KANSL1: variants seen among roughly 807,000 people sequenced by gnomAD.
The protein encoded by KANSL1 is KAT8 regulatory NSL complex subunit 1, also known as MLL1/MLL complex subunit KANSL1.
In KANSL1, 22 loss-of-function variants were observed where a neutral mutation model predicts 103.6. The observed-to-expected ratio is 0.21, with a 90% confidence interval of 0.15 to 0.30. The LOEUF is 0.30. Ranked by LOEUF, KANSL1 falls within the 10% of genes least tolerant of loss-of-function variation. The pLI, the probability that KANSL1 is intolerant of heterozygous loss-of-function variation, is 1.00. For missense variants in KANSL1, 1,337 were observed against 1,399.8 expected (o/e 0.96, Z 0.72); for synonymous variants, 600 against 527.6 (o/e 1.14, Z -1.88).
At chr17:46,199,551 A>C (rs969367802) in intron 1 of KANSL1, among the ~76,000 whole-genome samples, 5 of 152,248 alleles carry the variant, frequency 3.3e-5, no homozygotes, top group Non-Finnish European at 5.9e-5. Flanking sequence ...CATAAATGGC[A>C]AAGTATTACA....
intron 1 of KANSL1, among the ~76,000 whole-genome samples, chr17:46,219,222 T>C (rs899506013): frequency 2.7e-4 from 39 of 146,346 alleles, no homozygotes; most frequent in African/African-American, 9.3e-4. Flanking sequence ...CAAGATCACC[T>C]GGACAACAAA....
chr17:46,168,371 C>T (rs745433865), intron 2 of KANSL1, among the ~76,000 whole-genome samples: 52 of 149,462 alleles, frequency 3.5e-4, no homozygotes, highest in Non-Finnish European at 2.2e-4. Context: ...TTTTTTGAGA[C>T]GGAGTTTCGC....
chr17:46,035,568 T>C (rs1489327049), intron 10 of KANSL1: 2 of 152,176 alleles, frequency 1.3e-5, no homozygotes, highest in Non-Finnish European at 2.9e-5. Flanking sequence ...TTAACCAAAA[T>C]GGTTAAACAG....
At chr17:46,218,520 C>T (rs566429045) in intron 1 of KANSL1, among the ~76,000 whole-genome samples, 1 of 152,128 alleles carries the variant, frequency 6.6e-6, no homozygotes, top group Non-Finnish European at 1.5e-5. Context: ...TGGTGGCTCA[C>T]GCCTGTAATC....
At chr17:46,175,310 CTGTGTGTGTG>C (rs71138529) in intron 1 of KANSL1, among the ~76,000 whole-genome samples, 5,638 of 137,508 alleles carry the variant, frequency 0.041, 95 homozygotes, top group African/African-American at 0.068. Flanking sequence ...TGTCTTATTG[CTGTGTGTGTG>C]TGTGTGTGTG....
chr17:46,143,451 G>A (rs1248160942), intron 2 of KANSL1, among the ~76,000 whole-genome samples: 5 of 152,004 alleles, frequency 3.3e-5, no homozygotes, highest in Non-Finnish European at 7.3e-5. Context: ...CTGAGATCAC[G>A]CCATTGTGCT....
rs1367416894 is a variant in KANSL1 at position 46,039,874 on chromosome 17, T to C, written c.2031A>G (p.Thr677=). The C allele has an allele frequency of 6.2e-7, 1 of 1,614,222 alleles. No homozygotes were observed. Among genetic ancestry groups the C allele is most frequent in the Non-Finnish European group, 8.5e-7 (1 of 1,180,034 alleles). The change falls in exon 8 of 15, where the codon ACA becomes ACG. Residue 677 remains threonine, a synonymous_variant. Coordinates refer to ENST00000432791, the MANE Select transcript of KANSL1 (RefSeq NM_015443.4). ...PVLAFPDDVP[T]SLHFQSMLKS... ...TCAGCATGCTCTGGAAATGCAGGCT[T>C]GTGGGAACATCTGCAAGAAACATAA...
At chr17:46,107,382 G>T (rs1256720876) in intron 2 of KANSL1, among the ~76,000 whole-genome samples, 1 of 152,156 alleles carries the variant, frequency 6.6e-6, no homozygotes, top group Non-Finnish European at 1.5e-5. Context: ...GGTCACCAAT[G>T]ACCTCCACTG....
At chr17:46,060,921 AT>A (rs2078135379) in intron 6 of KANSL1, among the ~76,000 whole-genome samples, 1 of 152,216 alleles carries the variant, frequency 6.6e-6, no homozygotes, top group Admixed American at 6.5e-5. Flanking sequence ...GCCCAGAGCA[AT>A]CCCCCCTATG....
chr17:46,114,399 C>G (rs1598654826), intron 2 of KANSL1, among the ~76,000 whole-genome samples: 1 of 152,136 alleles, frequency 6.6e-6, no homozygotes, highest in Non-Finnish European at 1.5e-5. Context: ...CTAACTGAAT[C>G]AGGCTGCTTA....
intron 2 of KANSL1, among the ~76,000 whole-genome samples, chr17:46,155,930 C>A (rs2147550594): frequency 6.6e-6 from 1 of 152,342 alleles, no homozygotes; most frequent in South Asian, 2.1e-4. Context: ...GAAACCCTAT[C>A]TCTCAAAAGA....
rs952099744 is a variant in KANSL1, at chr17:46,163,975, T to C, written c.1289+6880A>G. ...ATCAAAAGAAAACTGTCTATCAAAA[T>C]CTTTGCCAACCTTCAAGGTTCATTT... On this transcript the variant is annotated intron_variant, in intron 2 of 14. Transcript: ENST00000432791. Among the ~76,000 whole-genome samples the C allele has an allele frequency of 9.2e-5, 14 of 152,350 alleles. No individual in the cohort carries two copies. In the South Asian group the frequency reaches 1.9e-3, roughly 20 times the overall value.
intron 4 of KANSL1, among the ~76,000 whole-genome samples, chr17:46,076,122 T>G (rs1376452661): frequency 6.6e-6 from 1 of 152,326 alleles, no homozygotes; most frequent in African/African-American, 2.4e-5. Flanking sequence ...AATTTTAAAT[T>G]AACTTTGTAA....
rs1385162074 is a variant in KANSL1 at position 46,094,792 on chromosome 17, C to T, written c.1290-91G>A. The T allele has an allele frequency of 2.0e-5, 29 of 1,468,312 alleles. No homozygotes were observed. In the South Asian group the frequency reaches 3.2e-4, roughly 16 times the overall value. 91.0% of individuals were successfully genotyped at this position (1,468,312 alleles called of 1,614,324 possible). ...GGGAGTGGAATTTAACTTTTAAAGG[C>T]CCTTGCAGAGACTAACTCTAGTGTC... On this transcript the variant is annotated intron_variant, in intron 2 of 14. Coordinates refer to ENST00000432791, the MANE Select transcript of KANSL1 (RefSeq NM_015443.4).
intron 8 of KANSL1, 108 bp from the exon 9 acceptor site, chr17:46,039,323 G>T: frequency 1.9e-6 from 2 of 1,032,014 alleles, no homozygotes; most frequent in Non-Finnish European, 2.7e-6. Flanking sequence ...TATACCCAGG[G>T]CAGCAGGACA....
intron 6 of KANSL1, among the ~76,000 whole-genome samples, chr17:46,065,341 A>G (rs774768852): frequency 1.3e-5 from 2 of 152,138 alleles, no homozygotes; most frequent in African/African-American, 4.8e-5. Context: ...AACAACTAGA[A>G]TATTTCATAG....
chr17:46,034,362 G>T, intron 10 of KANSL1, 77 bp from the exon 11 acceptor site: 1 of 1,531,364 alleles, frequency 6.5e-7, no homozygotes. Flanking sequence ...AGTTAAAGCA[G>T]GATCACCAAT....
chr17:46,220,317 C>T (rs1428022259), intron 1 of KANSL1, among the ~76,000 whole-genome samples: 4 of 151,426 alleles, frequency 2.6e-5, no homozygotes, highest in Non-Finnish European at 5.9e-5. Context: ...CCCGGGTTCA[C>T]GCCATTCTCC....
chr17:46,196,705 AAATG>A (rs2047621839), upstream of KANSL1: 1 of 260,108 alleles, frequency 3.8e-6, no homozygotes, highest in South Asian at 3.8e-5. Context: ...CTTATATAAT[AAATG>A]AAGTCAAAAA....
Sources: gnomAD v4.1 joint callset for allele counts (sites outside exome capture counted in the v4.1 genomes callset) on GRCh38, gnomAD v4.1.1 for gene constraint, MANE v1.5 for transcripts, NCBI Gene and HGNC (gene_info 2026-07-23, HGNC 2026-07-21) for gene names.